TMPO: variants seen among roughly 807,000 people sequenced by gnomAD.
The protein encoded by TMPO is LEM domain containing 4.
A neutral mutation model predicts 45.4 loss-of-function variants in TMPO; 22 were observed. The ratio of observed to expected loss-of-function variants is 0.48; its 90% CI spans 0.35 to 0.69. TMPO has a LOEUF of 0.69. Ranked by LOEUF, TMPO falls within the 30% of genes least tolerant of loss-of-function variation. The pLI, the probability that TMPO is intolerant of heterozygous loss-of-function variation, is 0.01. For missense variants in TMPO, 512 were observed against 548.8 expected (o/e 0.93, Z 0.67); for synonymous variants, 241 against 204.1 (o/e 1.18, Z -1.54).
chr12:98,515,640 G>A lies in TMPO; in HGVS notation c.-228G>A, dbSNP rs1037798544. ...GTAGTGTGTGGGCTGGGGTTGGTGC[G>A]AGCTTCCAGCTTGGCCGCAGTTGGT... is the stretch of plus-strand genomic sequence containing the variant. On this transcript the variant is annotated 5_prime_UTR_variant, in exon 1 of 9. Coordinates refer to ENST00000556029, the MANE Select transcript of TMPO (RefSeq NM_001032283.3). 4 of 808,718 alleles carry A rather than the reference G, an allele frequency of 4.9e-6. No homozygotes were observed. The highest frequency in any genetic ancestry group is 3.5e-5 in the African/African-American group (2 of 57,830). 50.1% of individuals were successfully genotyped at this position (808,718 alleles called of 1,614,324 possible). A position where few individuals can be genotyped will look rare whatever the true frequency, so the allele number is the denominator to read the frequency against.
At chr12:98,544,840 TTAC>T in intron 6 of TMPO, 108 bp from the exon 7 acceptor site, 1 of 928,342 alleles carries the variant, frequency 1.1e-6, no homozygotes, top group Non-Finnish European at 1.7e-6. Context: ...GCTTAAATCT[TTAC>T]TAAGGGAAAA....
chr12:98,537,602 A>G lies in TMPO; in HGVS notation c.663+30A>G, dbSNP rs1300213521. On this transcript the variant is annotated intron_variant, in intron 4 of 8. Coordinates refer to ENST00000556029, the MANE Select transcript of TMPO (RefSeq NM_001032283.3). ...CTTTAGTTTTATTACCACCGTGTAC[A>G]GGTATAAATAACCTCCTGACAACAC... The G allele has an allele frequency of 2.0e-6, 3 of 1,525,054 alleles. No homozygotes were observed. In the Admixed American group the frequency reaches 5.1e-5, roughly 26 times the overall value. 94.5% of individuals were successfully genotyped at this position (1,525,054 alleles called of 1,614,324 possible).
chr12:98,516,787 C>T (rs544049406), intron 1 of TMPO, among the ~76,000 whole-genome samples: 2 of 152,084 alleles, frequency 1.3e-5, no homozygotes, highest in African/African-American at 2.4e-5. Flanking sequence ...TATTTTTAGG[C>T]GCCTATTATA....
chr12:98,534,699 C>T (rs1338044331), intron 3 of TMPO: 7 of 1,081,772 alleles, frequency 6.5e-6, no homozygotes, highest in Non-Finnish European at 7.9e-6. Flanking sequence ...ATGCATCCTC[C>T]TTTATACCTA....
intron 1 of TMPO, among the ~76,000 whole-genome samples, chr12:98,524,919 A>G (rs779302831): frequency 6.6e-6 from 1 of 152,230 alleles, no homozygotes; most frequent in Non-Finnish European, 1.5e-5. Flanking sequence ...AAAACCTCTC[A>G]GGCGGGTTTG....
intron 8 of TMPO, among the ~76,000 whole-genome samples, 188 bp from the exon 9 acceptor site, chr12:98,547,385 T>C (rs1352723317): frequency 6.6e-6 from 1 of 152,198 alleles, no homozygotes; most frequent in Admixed American, 6.5e-5. Context: ...CATCTAACTT[T>C]TAAAATAGAA....
At chr12:98,525,306 G>A (rs1032634740) in intron 1 of TMPO, among the ~76,000 whole-genome samples, 8 of 152,120 alleles carry the variant, frequency 5.3e-5, no homozygotes, top group African/African-American at 2.4e-5. Flanking sequence ...CTCCACAGCC[G>A]TCTATTTAAG....
Position 98,515,794 on chromosome 12 carries a change from C to T in TMPO, c.-74C>T, listed in dbSNP as rs1455416845. ...GGCTCGGAGGCGGCAGCGCGGTCCCCGGCCAGGAGCAAGCGCGCCGGCGTG... is the reference window on the plus strand; with the variant it reads ...GGCTCGGAGGCGGCAGCGCGGTCCCTGGCCAGGAGCAAGCGCGCCGGCGTG... On this transcript the variant is annotated 5_prime_UTR_variant, in exon 1 of 9. Coordinates refer to ENST00000556029, the MANE Select transcript of TMPO (RefSeq NM_001032283.3). 1.3e-6 allele frequency: 2 copies of T among 1,556,530 alleles called. No homozygotes were observed. The highest frequency in any genetic ancestry group is 1.4e-5 in the African/African-American group (1 of 73,220).
In TMPO at chr12:98,527,912, C is replaced by T. The variant is rs1158896182; in HGVS notation, c.306C>T (p.Pro102=). ...GRKATKKTDK[P]RQEDKDDLDV... ...AAGCCACAAAAAAAACTGATAAACCCAGACAAGAAGATAAAGATGATCTAG... is the reference window on the plus strand; with the variant it reads ...AAGCCACAAAAAAAACTGATAAACCTAGACAAGAAGATAAAGATGATCTAG... The change falls in exon 2 of 9, where the codon CCC becomes CCT. Residue 102 remains proline (P), a synonymous_variant. Coordinates refer to ENST00000556029, the MANE Select transcript of TMPO (RefSeq NM_001032283.3). 2 of 1,613,684 alleles carry T rather than the reference C, an allele frequency of 1.2e-6. No individual in the cohort carries two copies. The highest frequency in any genetic ancestry group is 1.7e-6 in the Non-Finnish European group (2 of 1,179,904).
chr12:98,537,675 C>T (rs768309987), intron 4 of TMPO, 103 bp downstream of exon 4: 2 of 864,612 alleles, frequency 2.3e-6, no homozygotes, highest in South Asian at 2.8e-5. Context: ...TTCCAGCACG[C>T]TCAATAAACT....
At chr12:98,530,633 A>C (rs893906526) in intron 2 of TMPO, among the ~76,000 whole-genome samples, 8 of 152,244 alleles carry the variant, frequency 5.3e-5, no homozygotes, top group Non-Finnish European at 1.0e-4. Context: ...TGTGTTTTCC[A>C]TAAAAGGTCA....
intron 4 of TMPO, among the ~76,000 whole-genome samples, chr12:98,542,204 A>G (rs201415086): frequency 7.2e-4 from 110 of 152,338 alleles, no homozygotes; most frequent in Middle Eastern, 3.4e-3. Flanking sequence ...TCTGCATATG[A>G]GTTGAAGCAT....
intron 3 of TMPO, chr12:98,533,949 G>T (rs1415867632): frequency 6.2e-7 from 1 of 1,613,938 alleles, no homozygotes; most frequent in African/African-American, 1.3e-5. Flanking sequence ...GCAATCAGCA[G>T]TTGGACTTAG....
intron 1 of TMPO, among the ~76,000 whole-genome samples, chr12:98,518,115 A>G (rs1036465468): frequency 6.6e-6 from 1 of 150,726 alleles, no homozygotes; most frequent in Non-Finnish European, 1.5e-5. Context: ...ATCGCACTCC[A>G]GCCTGGGGGA....
intron 3 of TMPO, 64 bp downstream of exon 3, chr12:98,531,902 A>T (rs1592943518): frequency 7.1e-7 from 1 of 1,402,596 alleles, no homozygotes; most frequent in South Asian, 1.3e-5. Context: ...TTCAGTGACC[A>T]TGAAGAAAGT....
intron 1 of TMPO, chr12:98,527,525 T>TAA (rs145065353): frequency 0.05 from 7,929 of 158,744 alleles, 443 homozygotes; most frequent in African/African-American, 0.17. Flanking sequence ...CCTGTATCAT[T>TAA]AAAAAAAAAA....
rs1878127073 is a variant in TMPO at position 98,544,866 on chromosome 12, C to T, written c.880-85C>T. 5.3e-6 allele frequency: 6 copies of T among 1,133,302 alleles called. No individual in the cohort carries two copies. In the Admixed American group the frequency reaches 6.8e-5, roughly 13 times the overall value. 70.2% of individuals were successfully genotyped at this position (1,133,302 alleles called of 1,614,324 possible). On this transcript the variant is annotated intron_variant, in intron 6 of 8. Coordinates refer to ENST00000556029, the MANE Select transcript of TMPO (RefSeq NM_001032283.3). ...TACTAAGGGAAAATTTCTAATATTA[C>T]AGAGATAAAATATCTTTCTTTTCTT...
At chr12:98,528,504 T>C (rs10860339) in intron 2 of TMPO, among the ~76,000 whole-genome samples, 82,637 of 151,662 alleles carry the variant, frequency 0.54, 22,712 homozygotes, top group South Asian at 0.57. Flanking sequence ...GTCTCGATCT[T>C]CTGACCTTGT....
rs776098156 is a variant in TMPO, at chr12:98,547,768, T to C, written c.1275T>C (p.Val425=). 2.0e-4 allele frequency: 322 copies of C among 1,614,090 alleles called. No homozygotes were observed. Among genetic ancestry groups the C allele is most frequent in the Admixed American group, 3.7e-4 (22 of 59,992 alleles). The change falls in exon 9 of 9, where the codon GTT becomes GTC. Residue 425 remains valine (V), a synonymous_variant. Coordinates refer to ENST00000556029, the MANE Select transcript of TMPO (RefSeq NM_001032283.3). ...IKILLFVVVA[V]FLFLVYQAME... is the part of the protein sequence containing the mutation. ...TTTTGCTGTTTGTTGTTGTGGCAGT[T>C]TTTTTGTTTTTGGTCTATCAAGCTA...
Sources: gnomAD v4.1 joint callset for allele counts (sites outside exome capture counted in the v4.1 genomes callset) on GRCh38, gnomAD v4.1.1 for gene constraint, MANE v1.5 for transcripts, NCBI Gene and HGNC (gene_info 2026-07-23, HGNC 2026-07-21) for gene names.